Variants in PRUNE2 observed in about 807,000 individuals in gnomAD.
The protein encoded by PRUNE2 is protein prune homolog 2.
In PRUNE2, 164 loss-of-function variants were observed where a neutral mutation model predicts 252.0. The ratio of observed to expected loss-of-function variants is 0.65; its 90% confidence interval spans 0.57 to 0.74. PRUNE2 has a LOEUF of 0.74. PRUNE2 is among the 30% of genes least tolerant of loss of function. The pLI is 0.00. For missense variants in PRUNE2, 3,495 were observed against 3,711.0 expected (o/e 0.94, Z 1.51); for synonymous variants, 1,292 against 1,350.2 (o/e 0.96, Z 0.94).
chr9:76,615,769 G>GTTT (rs58726178), intron 18 of PRUNE2, among the ~76,000 whole-genome samples: 2,235 of 93,966 alleles, frequency 0.024, 251 homozygotes, highest in East Asian at 0.075. Context: ...TGTGTGTGTG[G>GTTT]TTTTTTTTTT....
chr9:76,622,235 G>A (rs1424832979), intron 17 of PRUNE2, among the ~76,000 whole-genome samples: 1 of 152,156 alleles, frequency 6.6e-6, no homozygotes, highest in East Asian at 1.9e-4. Context: ...AGATCAAAAT[G>A]TCTCAGGACC....
intron 1 of PRUNE2, among the ~76,000 whole-genome samples, chr9:76,884,828 G>C (rs751784466): frequency 5.3e-5 from 8 of 152,200 alleles, no homozygotes; most frequent in Non-Finnish European, 7.4e-5. Flanking sequence ...GAAAAGGCCA[G>C]TTATTTGCTA....
chr9:76,901,955 A>T (rs1353685296), intron 1 of PRUNE2, among the ~76,000 whole-genome samples: 1 of 152,044 alleles, frequency 6.6e-6, no homozygotes, highest in African/African-American at 2.4e-5. Context: ...CCGCCACCCA[A>T]GGCTGGCTCC....
At chr9:76,800,843 T>C (rs2056502844) in intron 6 of PRUNE2, among the ~76,000 whole-genome samples, 1 of 152,170 alleles carries the variant, frequency 6.6e-6, no homozygotes, top group Non-Finnish European at 1.5e-5. Flanking sequence ...CTGAATAACA[T>C]CTGAATAAAT....
intron 4 of PRUNE2, among the ~76,000 whole-genome samples, chr9:76,835,366 A>G (rs1172761479): frequency 6.6e-6 from 1 of 151,044 alleles, no homozygotes; most frequent in East Asian, 1.9e-4. Flanking sequence ...TAACAGAGAG[A>G]AAGAGGGAGG....
chr9:76,794,710 C>A (rs1023286089), intron 6 of PRUNE2, among the ~76,000 whole-genome samples: 1 of 151,992 alleles, frequency 6.6e-6, no homozygotes, highest in Non-Finnish European at 1.5e-5. Flanking sequence ...AGTTTCTTCA[C>A]CATTTAGTAG....
chr9:76,853,815 T>A (rs186784728), intron 2 of PRUNE2, among the ~76,000 whole-genome samples: 1 of 152,364 alleles, frequency 6.6e-6, no homozygotes, highest in East Asian at 1.9e-4. Flanking sequence ...TTCCATAAAA[T>A]TAATCAACTA....
chr9:76,655,528 G>A lies in PRUNE2; in HGVS notation c.8277-26C>T, dbSNP rs151230182. 3.4e-5 allele frequency: 52 copies of A among 1,541,432 alleles called. No individual in the cohort carries two copies. The Middle Eastern group carries it at 6.7e-4, about 20-fold the overall frequency. On this transcript the variant is annotated intron_variant, in intron 9 of 18. Coordinates refer to ENST00000376718, the MANE Select transcript of PRUNE2 (RefSeq NM_015225.3). ...CTGCAAAAAAAGCAAAGCAAAGCGC[G>A]TCAACAACAACTGTGTAAGACTTCA...
chr9:76,790,174 T>C (rs777081956), intron 6 of PRUNE2, among the ~76,000 whole-genome samples: 2 of 152,204 alleles, frequency 1.3e-5, no homozygotes, highest in Non-Finnish European at 2.9e-5. Context: ...CAAGTAAGCA[T>C]GCAGGTTTAC....
intron 6 of PRUNE2, among the ~76,000 whole-genome samples, chr9:76,722,519 C>A (rs1470804356): frequency 6.6e-6 from 1 of 152,072 alleles, no homozygotes; most frequent in Non-Finnish European, 1.5e-5. Flanking sequence ...AAAGAGAGCC[C>A]TTTTGTGAAA....
chr9:76,769,136 G>A (rs977219478), intron 6 of PRUNE2, among the ~76,000 whole-genome samples: 3 of 152,210 alleles, frequency 2.0e-5, no homozygotes, highest in Admixed American at 2.0e-4. Context: ...CTCATATATG[G>A]GTTGGATCTT....
At chr9:76,774,866 C>G (rs2053569366) in intron 6 of PRUNE2, among the ~76,000 whole-genome samples, 1 of 152,130 alleles carries the variant, frequency 6.6e-6, no homozygotes. Context: ...ATTTTAGAGA[C>G]AGAAAAACAT....
intron 1 of PRUNE2, among the ~76,000 whole-genome samples, chr9:76,895,903 C>T (rs2062792255): frequency 6.6e-6 from 1 of 152,142 alleles, no homozygotes; most frequent in South Asian, 2.1e-4. Context: ...CCTGCCTCAG[C>T]CTCCTGAGTA....
chr9:76,695,192 C>A (rs772301429), intron 9 of PRUNE2, among the ~76,000 whole-genome samples: 1 of 152,166 alleles, frequency 6.6e-6, no homozygotes, highest in Non-Finnish European at 1.5e-5. Context: ...TGTGCCACCA[C>A]GCCTGGCTAA....
chr9:76,681,276 A>G (rs2043396479), intron 9 of PRUNE2, among the ~76,000 whole-genome samples: 1 of 152,114 alleles, frequency 6.6e-6, no homozygotes, highest in Admixed American at 6.6e-5. Flanking sequence ...GGTGGTTGCC[A>G]GGGGCCGGGG....
At chr9:76,747,392 A>G (rs1240519132) in intron 6 of PRUNE2, among the ~76,000 whole-genome samples, 3 of 152,186 alleles carry the variant, frequency 2.0e-5, no homozygotes, top group Non-Finnish European at 2.9e-5. Context: ...TGAGCCTTCA[A>G]TGTGCCAGGA....
intron 3 of PRUNE2, among the ~76,000 whole-genome samples, chr9:76,849,003 G>C (rs1286540422): frequency 6.6e-6 from 1 of 152,104 alleles, no homozygotes; most frequent in African/African-American, 2.4e-5. Context: ...CAACCTCCCA[G>C]GCTCAATTGA....
At chr9:76,658,386 G>A (rs1850052037) in intron 9 of PRUNE2, among the ~76,000 whole-genome samples, 1 of 152,162 alleles carries the variant, frequency 6.6e-6, no homozygotes, top group Non-Finnish European at 1.5e-5. Flanking sequence ...AGGCTATAGG[G>A]ACATGTTAGA....
Position 76,709,448 on chromosome 9 carries a change from T to A in PRUNE2, c.2826A>T (p.Leu942Phe), listed in dbSNP as rs1481127621. 6.2e-7 allele frequency: 1 copy of A among 1,613,888 alleles called. No homozygotes were observed. Among genetic ancestry groups the A allele is most frequent in the East Asian group, 2.2e-5 (1 of 44,900 alleles). Reference sequence around the variant, plus strand: ...CACTGTAATCAGAACATTTGTAAGATAAGAAGGAATCTTCCCAAGGAACTA... The same window carrying A: ...CACTGTAATCAGAACATTTGTAAGAAAAGAAGGAATCTTCCCAAGGAACTA... ...DVLVPWEDSFLSYKCSDYSAS... is the reference protein window; with the variant it reads ...DVLVPWEDSFFSYKCSDYSAS... Residue 942 changes from leucine (L) to phenylalanine (F), a missense_variant, in exon 8 of 19, where the codon TTA becomes TTT. Coordinates refer to ENST00000376718, the MANE Select transcript of PRUNE2 (RefSeq NM_015225.3).
Sources: gnomAD v4.1 joint callset for allele counts (sites outside exome capture counted in the v4.1 genomes callset) on GRCh38, gnomAD v4.1.1 for gene constraint, MANE v1.5 for transcripts, NCBI Gene and HGNC (gene_info 2026-07-23, HGNC 2026-07-21) for gene names.